SYNPO2: variants seen among roughly 807,000 people sequenced by gnomAD.
The protein encoded by SYNPO2 is synaptopodin 2.
A neutral mutation model predicts 85.0 loss-of-function variants in SYNPO2; 56 were observed. The ratio of observed to expected loss-of-function variants is 0.66; its 90% CI spans 0.53 to 0.82. The LOEUF (loss-of-function observed/expected upper bound fraction) is 0.82. Ranked by LOEUF, SYNPO2 falls within the 40% of genes least tolerant of loss-of-function variation. The pLI is 0.00. For missense variants in SYNPO2, 1,575 were observed against 1,534.2 expected (o/e 1.03, Z -0.44); for synonymous variants, 602 against 591.1 (o/e 1.02, Z -0.27).
At position 118,925,067 on chromosome 4, in the gene SYNPO2, C is replaced by T. The variant is rs148610112; in HGVS notation, c.105+35926C>T. On this transcript the variant is annotated intron_variant, in intron 1 of 4. Transcript: ENST00000307142. ...GCATGGGATGTGCACAGAAATGCAC[C>T]ATTAATTTCACTGTGGGGCAAGATG... Among the ~76,000 whole-genome samples, 75 of 152,196 alleles carry T rather than the reference C, an allele frequency of 4.9e-4. 1 individual carries two copies. In the South Asian group the frequency reaches 0.015, roughly 31 times the overall value.
At chr4:118,930,847 G>A (rs1733906555) in intron 1 of SYNPO2, among the ~76,000 whole-genome samples, 1 of 151,520 alleles carries the variant, frequency 6.6e-6, no homozygotes, top group African/African-American at 2.4e-5. Context: ...GAGCCCGGAA[G>A]GTTGAGGCTG....
At position 119,050,258 on chromosome 4, in the gene SYNPO2, G is replaced by T. The variant is rs544214959; in HGVS notation, c.3253-7143G>T. Among the ~76,000 whole-genome samples, 3 of 152,146 alleles carry T rather than the reference G, an allele frequency of 2.0e-5. No homozygotes were observed. The South Asian group carries it at 6.2e-4, about 32-fold the overall frequency. ...GAGGCAGGAGAATCACTTCAACCCGGGAGGCAGAGGTTGCAGTGAGCCAGG... is the reference window on the plus strand; with the variant it reads ...GAGGCAGGAGAATCACTTCAACCCGTGAGGCAGAGGTTGCAGTGAGCCAGG... On this transcript the variant is annotated intron_variant, in intron 4 of 4. Coordinates refer to ENST00000307142, the MANE Select transcript of SYNPO2 (RefSeq NM_133477.3).
intron 1 of SYNPO2, among the ~76,000 whole-genome samples, chr4:118,940,050 A>G (rs1322054119): frequency 1.4e-5 from 2 of 145,352 alleles, no homozygotes; most frequent in African/African-American, 5.1e-5. Context: ...CAGTGATGCA[A>G]TCTTGGCTCA....
Position 119,031,290 on chromosome 4 carries a change from A to T in SYNPO2, c.2515A>T (p.Asn839Tyr). Residue 839 changes from asparagine to tyrosine, a missense_variant, in exon 4 of 5, where the codon AAT becomes TAT. Asn to Tyr is a moderately radical substitution (Grantham distance 143, BLOSUM62 -2). Around this residue, in one of 3 missense-constraint regions of SYNPO2, gnomAD observed 1,508 missense variants for 1,446.8 expected, o/e 1.04. Coordinates refer to ENST00000307142, the MANE Select transcript of SYNPO2 (RefSeq NM_133477.3). ...ACCACAAGCAGCAGTAGCCAGTCAGAATTACACACCCAAACCAACAGTTTC... is the reference window on the plus strand; with the variant it reads ...ACCACAAGCAGCAGTAGCCAGTCAGTATTACACACCCAAACCAACAGTTTC... The part of the protein sequence containing the change: ...KGPQAAVASQ[N>Y]YTPKPTVSTP... 6.2e-7 allele frequency: 1 copy of T among 1,614,212 alleles called. No individual in the cohort carries two copies. The highest frequency in any genetic ancestry group is 8.5e-7 in the Non-Finnish European group (1 of 1,180,036).
At chr4:118,977,073 G>A (rs574114133) in intron 1 of SYNPO2, among the ~76,000 whole-genome samples, 1 of 152,216 alleles carries the variant, frequency 6.6e-6, no homozygotes, top group Non-Finnish European at 1.5e-5. Context: ...TTGGGTGGTC[G>A]ATGGGACTGG....
intron 1 of SYNPO2, among the ~76,000 whole-genome samples, chr4:118,851,584 CAATT>C (rs1200935626): frequency 6.6e-6 from 1 of 152,064 alleles, no homozygotes; most frequent in African/African-American, 2.4e-5. Flanking sequence ...TGGAATAAAA[CAATT>C]AAAACTCATT....
At chr4:119,028,885 A>C (rs1478406071) in intron 3 of SYNPO2, among the ~76,000 whole-genome samples, 1 of 151,890 alleles carries the variant, frequency 6.6e-6, no homozygotes, top group Non-Finnish European at 1.5e-5. Flanking sequence ...GATAGATGCT[A>C]TATGTTTAGT....
chr4:118,927,710 A>AGATAGAT (rs1553938478), intron 1 of SYNPO2, among the ~76,000 whole-genome samples: 2 of 130,814 alleles, frequency 1.5e-5, no homozygotes, highest in Non-Finnish European at 3.3e-5. Flanking sequence ...ATAGATAGAT[A>AGATAGAT]GATAGATAGA....
chr4:118,992,762 A>T (rs1736459173), intron 1 of SYNPO2, among the ~76,000 whole-genome samples: 1 of 152,160 alleles, frequency 6.6e-6, no homozygotes, highest in Admixed American at 6.5e-5. Flanking sequence ...TTGCTATTGC[A>T]TCTTAGGTTT....
intron 1 of SYNPO2, among the ~76,000 whole-genome samples, chr4:119,000,375 A>C (rs940492916): frequency 1.3e-5 from 2 of 152,124 alleles, no homozygotes; most frequent in African/African-American, 4.8e-5. Context: ...TTTAATGTGA[A>C]AGACCTTGCT....
intron 1 of SYNPO2, among the ~76,000 whole-genome samples, chr4:118,986,193 C>T (rs922196253): frequency 6.6e-6 from 1 of 152,176 alleles, no homozygotes; most frequent in Admixed American, 6.5e-5. Context: ...CTATGGTCCC[C>T]AAACCTTTCT....
At chr4:118,976,287 A>G (rs1384504587) in intron 1 of SYNPO2, among the ~76,000 whole-genome samples, 1 of 151,926 alleles carries the variant, frequency 6.6e-6, no homozygotes, top group Admixed American at 6.6e-5. Flanking sequence ...TACAGCTCTT[A>G]AGGCAGCGCG....
At chr4:119,032,960 C>A (rs1482181544) in intron 4 of SYNPO2, 16 of 494,342 alleles carry the variant, frequency 3.2e-5, no homozygotes, top group East Asian at 4.3e-4. Flanking sequence ...ACTTAAGGAA[C>A]TAAGTGAGTA....
At chr4:118,871,937 G>A (rs1342812048) in intron 1 of SYNPO2, among the ~76,000 whole-genome samples, 2 of 152,204 alleles carry the variant, frequency 1.3e-5, no homozygotes, top group African/African-American at 4.8e-5. Context: ...TAGCAAGCCT[G>A]TGACCTGTTG....
At chr4:119,037,724 T>A in intron 4 of SYNPO2, 1 of 903,896 alleles carries the variant, frequency 1.1e-6, no homozygotes, top group Non-Finnish European at 1.3e-6. Context: ...TAGCTAACAT[T>A]AGCTGAGCAC....
chr4:118,964,778 G>T (rs571850308), intron 1 of SYNPO2, among the ~76,000 whole-genome samples: 1 of 152,108 alleles, frequency 6.6e-6, no homozygotes, highest in South Asian at 2.1e-4. Context: ...GTTAGACATT[G>T]TGCTGGAGAT....
At chr4:118,937,654 TCA>T (rs1333432006) in intron 1 of SYNPO2, among the ~76,000 whole-genome samples, 5 of 152,108 alleles carry the variant, frequency 3.3e-5, no homozygotes, top group African/African-American at 1.2e-4. Flanking sequence ...ATACTCAGCC[TCA>T]GTTTCTTCAC....
chr4:118,890,799 T>C (rs1030942451), intron 1 of SYNPO2, among the ~76,000 whole-genome samples: 4 of 149,854 alleles, frequency 2.7e-5, no homozygotes, highest in African/African-American at 9.8e-5. Context: ...GGTAAAGAAG[T>C]AAGAAAGAAA....
chr4:118,964,071 T>A (rs1470398689), intron 1 of SYNPO2, among the ~76,000 whole-genome samples: 2 of 152,136 alleles, frequency 1.3e-5, no homozygotes, highest in Admixed American at 6.5e-5. Flanking sequence ...CCACCAGGCT[T>A]TTCACTCCAT....
Sources: gnomAD v4.1 joint callset for allele counts (sites outside exome capture counted in the v4.1 genomes callset) on GRCh38, gnomAD v4.1.1 for gene constraint, gnomAD v4.1.1 regional missense constraint, MANE v1.5 for transcripts, NCBI Gene and HGNC (gene_info 2026-07-23, HGNC 2026-07-21) for gene names.